MBOAT1: variants seen among roughly 807,000 people sequenced by gnomAD.
MBOAT1 encodes the protein membrane bound glycerophospholipid O-acyltransferase 1.
A neutral mutation model predicts 64.4 loss-of-function variants in MBOAT1; 67 were observed. The observed-to-expected ratio is 1.04, with a 90% CI of 0.85 to 1.27. The LOEUF (loss-of-function observed/expected upper bound fraction) is 1.27. MBOAT1 is among the 50% of genes most tolerant of loss of function. The pLI is 0.00. For synonymous variants in MBOAT1, 229 were observed against 218.9 expected, an observed-to-expected ratio of 1.05 and a Z score of -0.41; for missense variants, 563 against 604.6, an observed-to-expected ratio of 0.93 and a Z score of 0.72.
In MBOAT1 at chr6:20,124,412, T is replaced by C. The variant is rs985400617; in HGVS notation, c.903A>G (p.Thr301=). 2 of 1,613,506 alleles carry C rather than the reference T, an allele frequency of 1.2e-6. No homozygotes were observed. The highest frequency in any genetic ancestry group is 2.7e-5 in the African/African-American group (2 of 74,914). The change falls in exon 8 of 13, where the codon ACA becomes ACG. Residue 301 remains threonine (T), a synonymous_variant. Transcript: ENST00000324607. ...CAGCTACTCCATCAAACTTACCTAA[T>C]GTCCATGCAAAGTAATACTTGGGCT... The part of the protein sequence containing the change: ...ASKPKYYFAW[T]LADAVNNAAG...
At chr6:20,115,157 G>A (rs1349765716) in intron 10 of MBOAT1, 131 bp downstream of exon 10, 8 of 725,524 alleles carry the variant, frequency 1.1e-5, no homozygotes, top group East Asian at 2.5e-5. Flanking sequence ...CATTTACAGG[G>A]CACAGATGTT....
chr6:20,140,505 T>C (rs527318649), intron 4 of MBOAT1, among the ~76,000 whole-genome samples: 1 of 152,324 alleles, frequency 6.6e-6, no homozygotes, highest in African/African-American at 2.4e-5. Flanking sequence ...TGGAAGACGA[T>C]CATCCAATCC....
chr6:20,119,817 A>G (rs569023288), intron 8 of MBOAT1, among the ~76,000 whole-genome samples: 24 of 152,316 alleles, frequency 1.6e-4, no homozygotes, highest in Non-Finnish European at 2.6e-4. Flanking sequence ...AGTGACAGAG[A>G]TCAATGACAC....
At chr6:20,127,817 C>G (rs1760705157) in intron 6 of MBOAT1, among the ~76,000 whole-genome samples, 1 of 152,192 alleles carries the variant, frequency 6.6e-6, no homozygotes, top group African/African-American at 2.4e-5. Flanking sequence ...CCTCCTGAAA[C>G]CATCCCCCCA....
At chr6:20,123,100 G>A (rs975585276) in intron 8 of MBOAT1, among the ~76,000 whole-genome samples, 1 of 151,974 alleles carries the variant, frequency 6.6e-6, no homozygotes, top group Admixed American at 6.6e-5. Context: ...AAAGTGCTAG[G>A]ATTATAGTCA....
At position 20,192,995 on chromosome 6, in the gene MBOAT1, C is replaced by CTTTTTTT. The variant is rs1174816793; in HGVS notation, c.99+19134_99+19140dup. 4.3e-3 allele frequency among the ~76,000 whole-genome samples: 237 copies of CTTTTTTT among 55,046 alleles called. 48 individuals are homozygous for CTTTTTTT. Among genetic ancestry groups the CTTTTTTT allele is most frequent in the Non-Finnish European group, 5.0e-3 (146 of 29,086 alleles). The allele number at this position is 55,046 out of a possible 152,430, so 36.1% of individuals were successfully genotyped here. ...TTATTCAGCTGGTATGCTATAATTT[C>CTTTTTTT]TTTTTTTTTTTTTTTTTTTTTTTTT... On this transcript the variant is annotated intron_variant, in intron 1 of 12. Transcript: ENST00000324607.
chr6:20,147,150 A>G (rs1016831964), intron 3 of MBOAT1, among the ~76,000 whole-genome samples: 2 of 152,238 alleles, frequency 1.3e-5, no homozygotes, highest in African/African-American at 4.8e-5. Flanking sequence ...AGGCCTCTCC[A>G]GCCACGTGGA....
chr6:20,129,938 A>C (rs561187625), intron 5 of MBOAT1, among the ~76,000 whole-genome samples: 2 of 152,348 alleles, frequency 1.3e-5, no homozygotes, highest in South Asian at 4.1e-4. Context: ...TACCCTAGAA[A>C]GACTCCATCC....
chr6:20,194,488 G>A (rs1014996971), intron 1 of MBOAT1, among the ~76,000 whole-genome samples: 4 of 152,292 alleles, frequency 2.6e-5, no homozygotes, highest in Admixed American at 6.5e-5. Context: ...ACCCTCGATC[G>A]AGATTTCTCT....
intron 1 of MBOAT1, among the ~76,000 whole-genome samples, chr6:20,205,805 A>T (rs545558013): frequency 3.0e-4 from 45 of 152,122 alleles, no homozygotes; most frequent in African/African-American, 1.1e-3. Flanking sequence ...ACCACAGAGG[A>T]ACTTTCCACC....
chr6:20,158,700 G>T (rs1761765409), intron 1 of MBOAT1, among the ~76,000 whole-genome samples: 1 of 152,126 alleles, frequency 6.6e-6, no homozygotes, highest in South Asian at 2.1e-4. Context: ...AATATAAAAA[G>T]AATTCTAACT....
intron 4 of MBOAT1, among the ~76,000 whole-genome samples, chr6:20,132,083 C>T (rs1760846161): frequency 6.6e-6 from 1 of 152,126 alleles, no homozygotes; most frequent in Non-Finnish European, 1.5e-5. Context: ...GGGTCTTACT[C>T]TGTTGCCCCA....
At chr6:20,139,946 A>C (rs562731060) in intron 4 of MBOAT1, among the ~76,000 whole-genome samples, 23 of 152,136 alleles carry the variant, frequency 1.5e-4, no homozygotes, top group Non-Finnish European at 2.5e-4. Flanking sequence ...CCTGGTATAC[A>C]CAGGGTTCCC....
intron 8 of MBOAT1, among the ~76,000 whole-genome samples, chr6:20,120,611 A>T (rs1375708006): frequency 6.6e-6 from 1 of 152,104 alleles, no homozygotes; most frequent in African/African-American, 2.4e-5. Flanking sequence ...GGAGGTTACA[A>T]TTAGCCAAGA....
At chr6:20,143,128 C>G (rs140068577) in intron 4 of MBOAT1, among the ~76,000 whole-genome samples, 1 of 152,314 alleles carries the variant, frequency 6.6e-6, no homozygotes, top group African/African-American at 2.4e-5. Context: ...TCCCTGACCT[C>G]AGGCTGCCTG....
chr6:20,117,484 G>A (rs1172018784), intron 9 of MBOAT1, among the ~76,000 whole-genome samples: 1 of 152,074 alleles, frequency 6.6e-6, no homozygotes, highest in Non-Finnish European at 1.5e-5. Context: ...ACCATGTTTT[G>A]TAGTTAAAAT....
At position 20,192,995 on chromosome 6, in the gene MBOAT1, CTTTTTT is replaced by C. The variant is rs1174816793; in HGVS notation, c.99+19135_99+19140del. ...TTATTCAGCTGGTATGCTATAATTT[CTTTTTT>C]TTTTTTTTTTTTTTTTTTTTTTGAG... On this transcript the variant is annotated intron_variant, in intron 1 of 12. Transcript: ENST00000324607. Among the ~76,000 whole-genome samples the C allele has an allele frequency of 5.0e-3, 273 of 54,994 alleles. 1 individual carries two copies. The highest frequency in any genetic ancestry group is 0.013 in the African/African-American group (208 of 15,744). The allele number at this position is 54,994 out of a possible 152,430, so 36.1% of individuals were successfully genotyped here.
intron 1 of MBOAT1, among the ~76,000 whole-genome samples, chr6:20,189,976 A>G (rs747195495): frequency 2.0e-5 from 3 of 151,534 alleles, no homozygotes; most frequent in Non-Finnish European, 4.4e-5. Context: ...TGAAAGCTCT[A>G]AGTTTTTTTT....
intron 1 of MBOAT1, among the ~76,000 whole-genome samples, chr6:20,209,038 T>A (rs926358705): frequency 2.6e-5 from 4 of 152,206 alleles, no homozygotes; most frequent in African/African-American, 9.7e-5. Flanking sequence ...CAGGAGCAGA[T>A]GATTCCTTGA....
Sources: gnomAD v4.1 joint callset for allele counts (sites outside exome capture counted in the v4.1 genomes callset) on GRCh38, gnomAD v4.1.1 for gene constraint, MANE v1.5 for transcripts, NCBI Gene and HGNC (gene_info 2026-07-23, HGNC 2026-07-21) for gene names.